TLR2: variants seen among roughly 807,000 people sequenced by gnomAD.
TLR2 encodes the protein toll like receptor 2.
Under a neutral mutation model 9.1 loss-of-function variants are expected in TLR2, and 7 were observed. The ratio of observed to expected loss-of-function variants is 0.77; its 90% CI spans 0.44 to 1.44. TLR2 has a LOEUF of 1.44. TLR2 is among the 40% of genes most tolerant of loss of function. The pLI is 0.01. For synonymous variants in TLR2, 317 were observed against 344.6 expected (o/e 0.92, Z 0.89); for missense variants, 812 against 904.6 (o/e 0.90, Z 1.31).
chr4:153,701,834 C>A (rs1255004222), intron 2 of TLR2: 5 of 150,942 alleles, frequency 3.3e-5, no homozygotes, highest in African/African-American at 1.2e-4. Flanking sequence ...CTGGCTTCAA[C>A]AGCATTTAAA....
intron 2 of TLR2, among the ~76,000 whole-genome samples, chr4:153,698,284 T>A (rs1235143269): frequency 1.3e-5 from 2 of 152,208 alleles, no homozygotes; most frequent in Non-Finnish European, 2.9e-5. Flanking sequence ...ACCAGGGAAA[T>A]GCTTTGGCAG....
At chr4:153,710,553 A>G, downstream of TLR2, 1 of 1,465,668 alleles carries the variant, frequency 6.8e-7, no homozygotes, top group African/African-American at 1.4e-5. Flanking sequence ...CATAAATGTC[A>G]TTTGCAAATA....
chr4:153,700,870 A>G (rs1047499493), intron 2 of TLR2, among the ~76,000 whole-genome samples: 1 of 152,166 alleles, frequency 6.6e-6, no homozygotes, highest in Non-Finnish European at 1.5e-5. Context: ...ACAAAAAAAT[A>G]TTGTTGATTA....
intron 2 of TLR2, among the ~76,000 whole-genome samples, chr4:153,689,831 C>T (rs550458550): frequency 6.6e-6 from 1 of 152,348 alleles, no homozygotes; most frequent in African/African-American, 2.4e-5. Flanking sequence ...CCACTTTCCT[C>T]AGGTTTTCTT....
downstream of TLR2, chr4:153,709,988 T>C (rs538037208): frequency 6.3e-6 from 1 of 157,674 alleles, no homozygotes; most frequent in East Asian, 1.8e-4. Context: ...CCACCTACTT[T>C]AAAGATGTTG....
chr4:153,705,161 C>G lies in TLR2; in HGVS notation c.2254C>G (p.Leu752Val). 1 of 1,614,124 alleles carries G rather than the reference C, an allele frequency of 6.2e-7. No individual in the cohort carries two copies. Among genetic ancestry groups the G allele is most frequent in the Non-Finnish European group, 8.5e-7 (1 of 1,180,020 alleles). The change falls in exon 3 of 3, where the codon CTG becomes GTG. Residue 752 changes from leucine to valine, a missense_variant. Transcript: ENST00000642700. ...AGCCATTCCCCAGCGCTTCTGCAAG[C>G]TGCGGAAGATAATGAACACCAAGAC... ...KKAIPQRFCK[L>V]RKIMNTKTYL...
rs758442656 is a variant in TLR2, at chr4:153,703,001, C to T, written c.94C>T (p.Arg32Cys). ...CAATCAGGCTTCTCTGTCTTGTGAC[C>T]GCAATGGTATCTGCAAGGGCAGCTC... ...SSNQASLSCD[R>C]NGICKGSSGS... The change falls in exon 3 of 3, where the codon CGC becomes TGC. Residue 32 changes from arginine to cysteine, a missense_variant. Arg to Cys is a radical substitution (Grantham distance 180). Coordinates refer to ENST00000642700, the MANE Select transcript of TLR2 (RefSeq NM_001318789.2). The T allele has an allele frequency of 1.2e-5, 20 of 1,613,748 alleles. No individual in the cohort carries two copies. The highest frequency in any genetic ancestry group is 6.6e-5 in the South Asian group (6 of 91,042).
chr4:153,686,259 C>G (rs954115689), intron 1 of TLR2, among the ~76,000 whole-genome samples: 7 of 152,150 alleles, frequency 4.6e-5, no homozygotes, highest in Non-Finnish European at 1.0e-4. Flanking sequence ...AATTCCACCT[C>G]TCAACACTGT....
chr4:153,710,112 C>A, downstream of TLR2: 1 of 299,152 alleles, frequency 3.3e-6, no homozygotes, highest in East Asian at 6.2e-5. Flanking sequence ...AGAATGTCCA[C>A]AGTGCAGTGT....
At chr4:153,690,501 A>T (rs6810722) in intron 2 of TLR2, among the ~76,000 whole-genome samples, 14 of 152,372 alleles carry the variant, frequency 9.2e-5, no homozygotes, top group African/African-American at 3.1e-4. Flanking sequence ...GTGATGCTTA[A>T]CACATGCAGT....
chr4:153,691,172 C>T (rs893343786), intron 2 of TLR2, among the ~76,000 whole-genome samples: 7 of 152,312 alleles, frequency 4.6e-5, no homozygotes, highest in Admixed American at 1.3e-4. Flanking sequence ...AAAACATTCT[C>T]AGCACCTTCA....
downstream of TLR2, chr4:153,710,216 T>C (rs546434781): frequency 9.6e-5 from 55 of 575,058 alleles, no homozygotes; most frequent in Admixed American, 1.1e-3. Flanking sequence ...TCAGCTTCTC[T>C]TTAAATTCTT....
In TLR2 at chr4:153,691,790, G is replaced by A. The variant is rs539711598; in HGVS notation, c.-17+3743G>A. 5.3e-5 allele frequency among the ~76,000 whole-genome samples: 8 copies of A among 152,212 alleles called. No individual in the cohort carries two copies. In the South Asian group the frequency reaches 1.0e-3, roughly 20 times the overall value. On this transcript the variant is annotated intron_variant, in intron 2 of 2. Coordinates refer to ENST00000642700, the MANE Select transcript of TLR2 (RefSeq NM_001318789.2). ...TTTAATGTTTTCAATTGATCCCTAC[G>A]TATAGTTACTTTCTGTGGCACAATG...
intron 2 of TLR2, chr4:153,702,684 T>C (rs1736973836): frequency 1.8e-6 from 1 of 548,448 alleles, no homozygotes; most frequent in South Asian, 2.5e-5. Context: ...TGTGTTAGCA[T>C]TGCTGAATGT....
chr4:153,691,996 A>G (rs1210700243), intron 2 of TLR2, among the ~76,000 whole-genome samples: 1 of 152,232 alleles, frequency 6.6e-6, no homozygotes, highest in East Asian at 1.9e-4. Flanking sequence ...ATAATGTAAC[A>G]CTGTGAAAAT....
intron 2 of TLR2, among the ~76,000 whole-genome samples, chr4:153,693,922 C>T (rs556662134): frequency 7.2e-5 from 11 of 152,278 alleles, no homozygotes; most frequent in East Asian, 5.8e-4. Flanking sequence ...CGCCACTTGC[C>T]GAGACCAGCT....
intron 2 of TLR2, among the ~76,000 whole-genome samples, chr4:153,694,299 TCCAGTAAAC>T (rs1018458005): frequency 6.6e-6 from 1 of 152,154 alleles, no homozygotes; most frequent in African/African-American, 2.4e-5. Context: ...TTGCCCTCAT[TCCAGTAAAC>T]CCACAACCTT....
In TLR2 at chr4:153,703,576, C is replaced by T. The variant is rs776817219; in HGVS notation, c.669C>T (p.Ser223=). The T allele has an allele frequency of 1.1e-5, 17 of 1,613,918 alleles. No individual in the cohort carries two copies. Among genetic ancestry groups the T allele is most frequent in the East Asian group, 2.2e-5 (1 of 44,882 alleles). The change falls in exon 3 of 3, where the codon TCC becomes TCT. Residue 223 remains serine, a synonymous_variant. Transcript: ENST00000642700. The part of the protein sequence containing the change: ...LLEIFVDVTS[S]VECLELRDTD... ...AGATTTTTGTAGATGTTACAAGTTC[C>T]GTGGAATGTTTGGAACTGCGAGATA... is the stretch of plus-strand genomic sequence containing the variant.
intron 2 of TLR2, among the ~76,000 whole-genome samples, chr4:153,700,841 T>C (rs573435794): frequency 3.3e-4 from 51 of 152,294 alleles, no homozygotes; most frequent in Non-Finnish European, 5.9e-4. Context: ...TCTACCCCTA[T>C]ATGGGCATGT....
Sources: allele counts gnomAD v4.1 joint callset (sites outside exome capture counted in the v4.1 genomes callset), GRCh38; gene constraint gnomAD v4.1.1; transcripts MANE v1.5; gene names NCBI Gene and HGNC (gene_info 2026-07-23, HGNC 2026-07-21).